TBC1D22A: variants seen among roughly 807,000 people sequenced by gnomAD.
TBC1D22A encodes putative GTPase activator.
TBC1D22A carries 38 observed loss-of-function variants against 60.2 expected under a neutral mutation model. That is an observed-to-expected ratio of 0.63 (90% CI 0.49 to 0.83). The LOEUF is 0.83. TBC1D22A is among the 40% of genes least tolerant of loss of function. TBC1D22A has a pLI of 0.00. For synonymous variants in TBC1D22A, 302 were observed against 281.7 expected (o/e 1.07, Z -0.72); for missense variants, 628 against 701.0 (o/e 0.90, Z 1.18).
intron 1 of TBC1D22A, 82 bp from the exon 2 acceptor site, chr22:46,792,438 G>A (rs2084453834): frequency 6.3e-7 from 1 of 1,579,460 alleles, no homozygotes; most frequent in African/African-American, 1.3e-5. Context: ...GTTCCTGGGA[G>A]CCCACCTTTC....
rs552695804 is a variant in TBC1D22A at position 47,093,271 on chromosome 22, T to A, written c.1330-18237T>A. On this transcript the variant is annotated intron_variant, in intron 11 of 12. Transcript: ENST00000337137. The stretch of plus-strand genomic sequence containing the variant: ...GCAGGCCCTGTGATCCTGCGCCGAG[T>A]CTCCTGTGGTCTCCTCTAAGCACCT... 5.3e-5 allele frequency among the ~76,000 whole-genome samples: 8 copies of A among 152,254 alleles called. No individual in the cohort carries two copies. In the East Asian group the frequency reaches 1.5e-3, roughly 29 times the overall value.
At chr22:47,094,159 G>T (rs759651361) in intron 11 of TBC1D22A, among the ~76,000 whole-genome samples, 12 of 152,284 alleles carry the variant, frequency 7.9e-5, no homozygotes, top group Admixed American at 3.9e-4. Context: ...CGGATCTGGT[G>T]AGTTTCAGTC....
chr22:47,171,255 T>C (rs2068436945), intron 12 of TBC1D22A, among the ~76,000 whole-genome samples: 1 of 152,160 alleles, frequency 6.6e-6, no homozygotes, highest in South Asian at 2.1e-4. Flanking sequence ...CTGCGTTTTC[T>C]CGAGGCAGGC....
chr22:47,118,242 A>ACAAAAAG (rs2066140983), intron 12 of TBC1D22A, among the ~76,000 whole-genome samples: 3 of 152,226 alleles, frequency 2.0e-5, no homozygotes, highest in Admixed American at 2.0e-4. Flanking sequence ...CTAAGTATTT[A>ACAAAAAG]TGGAATACTT....
chr22:47,067,630 TTCA>T (rs1436988772), intron 11 of TBC1D22A, among the ~76,000 whole-genome samples: 1 of 152,092 alleles, frequency 6.6e-6, no homozygotes, highest in African/African-American at 2.4e-5. Context: ...TTGTTTCGGG[TTCA>T]TCATGGTGGG....
At chr22:46,844,524 G>A (rs1292321232) in intron 4 of TBC1D22A, among the ~76,000 whole-genome samples, 1 of 152,208 alleles carries the variant, frequency 6.6e-6, no homozygotes, top group Non-Finnish European at 1.5e-5. Context: ...TCAGCTTGAC[G>A]TGGTGGGACA....
In TBC1D22A at chr22:47,142,198, ACACCCATCCATTCACC is replaced by A; in HGVS notation, c.1425+30602_1425+30617del. ...TTTACTTTCCCATCCATCCACCCAC[ACACCCATCCATTCACC>A]CACCCACCCATTCACCCACCAACCC... On this transcript the variant is annotated intron_variant, in intron 12 of 12. Transcript: ENST00000337137. 2.1e-5 allele frequency among the ~76,000 whole-genome samples: 3 copies of A among 143,508 alleles called. 1 individual carries two copies. 94.1% of individuals were successfully genotyped at this position (143,508 alleles called of 152,430 possible).
At chr22:46,855,126 C>T (rs1377779353) in intron 4 of TBC1D22A, among the ~76,000 whole-genome samples, 1 of 152,170 alleles carries the variant, frequency 6.6e-6, no homozygotes, top group African/African-American at 2.4e-5. Flanking sequence ...TACGGCAGAG[C>T]CCTGGACACA....
intron 4 of TBC1D22A, among the ~76,000 whole-genome samples, chr22:46,826,721 TG>T (rs1231118134): frequency 2.6e-5 from 4 of 152,004 alleles, no homozygotes; most frequent in Non-Finnish European, 5.9e-5. Flanking sequence ...TCCTACAAAG[TG>T]AAGTGTTGTA....
chr22:46,906,442 G>A (rs1388537096), intron 7 of TBC1D22A, among the ~76,000 whole-genome samples: 1 of 152,154 alleles, frequency 6.6e-6, no homozygotes, highest in Admixed American at 6.5e-5. Flanking sequence ...GTCTACAGTG[G>A]GAATGGTGGG....
At chr22:46,773,616 C>T (rs551263407) in intron 1 of TBC1D22A, among the ~76,000 whole-genome samples, 2 of 152,160 alleles carry the variant, frequency 1.3e-5, no homozygotes, top group Non-Finnish European at 2.9e-5. Context: ...AGGCTCATGC[C>T]GCCACACCCA....
intron 7 of TBC1D22A, among the ~76,000 whole-genome samples, chr22:46,907,006 T>C (rs554845848): frequency 6.6e-6 from 1 of 152,174 alleles, no homozygotes; most frequent in East Asian, 1.9e-4. Flanking sequence ...GTACACGGGC[T>C]TTTCTCTGTG....
chr22:46,833,109 T>G (rs2086379777), intron 4 of TBC1D22A, among the ~76,000 whole-genome samples: 1 of 152,254 alleles, frequency 6.6e-6, no homozygotes, highest in Non-Finnish European at 1.5e-5. Context: ...AAGCTGTGAT[T>G]TGAAACTTTC....
chr22:46,809,628 G>T (rs145175424), intron 4 of TBC1D22A, among the ~76,000 whole-genome samples: 8 of 152,022 alleles, frequency 5.3e-5, no homozygotes, highest in Admixed American at 5.2e-4. Context: ...ATGGGCTTTG[G>T]GGTGGCGCAT....
rs149588094 is a variant in TBC1D22A at position 46,903,343 on chromosome 22, G to T, written c.900+8497G>T. ...GCCTGCGGGGGCGTCTGTACTCGGGGAAGCTGTGGACCAGGCATGGAGCCA... is the reference window on the plus strand; with the variant it reads ...GCCTGCGGGGGCGTCTGTACTCGGGTAAGCTGTGGACCAGGCATGGAGCCA... On this transcript the variant is annotated intron_variant, in intron 7 of 12. Coordinates refer to ENST00000337137, the MANE Select transcript of TBC1D22A (RefSeq NM_014346.5). 1.1e-3 allele frequency among the ~76,000 whole-genome samples: 160 copies of T among 152,326 alleles called. 1 individual carries two copies. The highest frequency in any genetic ancestry group is 3.8e-3 in the African/African-American group (158 of 41,572).
intron 9 of TBC1D22A, among the ~76,000 whole-genome samples, chr22:46,986,633 C>T (rs9627636): frequency 0.01 from 1,548 of 152,194 alleles, 28 homozygotes; most frequent in African/African-American, 0.035. Flanking sequence ...TTTTTTCTGA[C>T]GTTCCTTCAA....
chr22:46,867,248 C>G (rs1230999418), intron 4 of TBC1D22A, among the ~76,000 whole-genome samples: 1 of 152,144 alleles, frequency 6.6e-6, no homozygotes, highest in African/African-American at 2.4e-5. Flanking sequence ...ATGTTTAGCA[C>G]GAAGGATGCT....
intron 5 of TBC1D22A, among the ~76,000 whole-genome samples, chr22:46,879,948 G>T (rs975356199): frequency 6.6e-6 from 1 of 152,210 alleles, no homozygotes; most frequent in African/African-American, 2.4e-5. Context: ...GTAGACAGAG[G>T]AGCACAAGGG....
At chr22:47,070,826 C>T (rs1179956129) in intron 11 of TBC1D22A, among the ~76,000 whole-genome samples, 2 of 70,304 alleles carry the variant, frequency 2.8e-5, no homozygotes, top group Non-Finnish European at 5.5e-5. Flanking sequence ...TTGGCTGGAG[C>T]GGGGCTGACC....
Sources: allele counts gnomAD v4.1 joint callset (sites outside exome capture counted in the v4.1 genomes callset), GRCh38; gene constraint gnomAD v4.1.1; transcripts MANE v1.5; gene names NCBI Gene and HGNC (gene_info 2026-07-23, HGNC 2026-07-21).